The following PNPLA7 variants were observed in gnomAD, a reference collection of about 807,000 sequenced individuals.
PNPLA7 encodes the protein patatin-like phospholipase domain-containing protein 7.
A neutral mutation model predicts 161.7 loss-of-function variants in PNPLA7; 153 were observed. That is an observed-to-expected ratio of 0.95 (90% CI 0.83 to 1.08). The LOEUF (loss-of-function observed/expected upper bound fraction) is 1.08. Ranked by LOEUF, PNPLA7 falls within the 50% of genes least tolerant of loss-of-function variation. The pLI is 0.00. For synonymous variants in PNPLA7, 809 were observed against 782.1 expected, an observed-to-expected ratio of 1.03 and a Z score of -0.57; for missense variants, 1,739 against 1,856.6, an observed-to-expected ratio of 0.94 and a Z score of 1.16.
chr9:137,471,626 A>G (rs1267096339), intron 25 of PNPLA7, among the ~76,000 whole-genome samples: 1 of 151,784 alleles, frequency 6.6e-6, no homozygotes, highest in East Asian at 1.9e-4. Flanking sequence ...TACCATTTAT[A>G]ATACTTTTTT....
intron 33 of PNPLA7, 81 bp from the exon 34 acceptor site, chr9:137,460,818 C>G (rs896664628): frequency 7.5e-7 from 1 of 1,334,478 alleles, no homozygotes; most frequent in African/African-American, 1.5e-5. Context: ...GAGGCAGAAC[C>G]GGCCACAGAT....
intron 18 of PNPLA7, 135 bp downstream of exon 18, chr9:137,497,052 G>T (rs776386105): frequency 2.3e-5 from 27 of 1,166,716 alleles, no homozygotes; most frequent in Non-Finnish European, 2.9e-5. Flanking sequence ...AAGCGGCTGC[G>T]GGGCATCACT....
At chr9:137,487,972 G>C (rs1832574237) in intron 20 of PNPLA7, among the ~76,000 whole-genome samples, 1 of 152,270 alleles carries the variant, frequency 6.6e-6, no homozygotes, top group Admixed American at 6.5e-5. Context: ...CCCAGATGAT[G>C]TGTCTCCGCC....
Position 137,462,312 on chromosome 9 carries a change from ATC to A in PNPLA7, c.3510_3511del (p.Glu1170AspfsTer21), listed in dbSNP as rs760668177. The A allele has an allele frequency of 6.2e-7, 1 of 1,607,258 alleles. No homozygotes were observed. Among genetic ancestry groups the A allele is most frequent in the Non-Finnish European group, 8.5e-7 (1 of 1,176,642 alleles). On this transcript the variant is annotated frameshift_variant, in exon 31 of 35. Coordinates refer to ENST00000406427, the MANE Select transcript of PNPLA7 (RefSeq NM_001098537.3). LOFTEE classifies it high-confidence loss of function. ...ACACACGTAGGCCAGGCGCGTCTGA[ATC>A]TCTGCCATGTTCAACACCTGCTGCC...
At chr9:137,484,207 C>T (rs1022955860) in intron 21 of PNPLA7, among the ~76,000 whole-genome samples, 5 of 152,134 alleles carry the variant, frequency 3.3e-5, no homozygotes, top group African/African-American at 9.7e-5. Context: ...CATGAGCCAC[C>T]GCGCCCGACC....
chr9:137,548,217 G>A lies in PNPLA7; in HGVS notation c.31-558C>T, dbSNP rs556210549. 9.8e-5 allele frequency among the ~76,000 whole-genome samples: 15 copies of A among 152,296 alleles called. No homozygotes were observed. In the East Asian group the frequency reaches 2.9e-3, roughly 29 times the overall value. ...AGGATGGTGAGTGAACGACAGCAGA[G>A]GACGCTGGTGGTTCCAAGAAGTGAA... On this transcript the variant is annotated intron_variant, in intron 1 of 34. Transcript: ENST00000406427.
chr9:137,501,632 C>A lies in PNPLA7; in HGVS notation c.1551+18G>T, dbSNP rs374090949. On this transcript the variant is annotated intron_variant, in intron 15 of 34. Coordinates refer to ENST00000406427, the MANE Select transcript of PNPLA7 (RefSeq NM_001098537.3). The stretch of plus-strand genomic sequence containing the variant: ...GGCATTGGGTGGTCCCAGTGCCCCC[C>A]CCCAGACCCCCGCTCACCTGGTCTC... 34 of 1,609,828 alleles carry A rather than the reference C, an allele frequency of 2.1e-5. No individual in the cohort carries two copies. Among genetic ancestry groups the A allele is most frequent in the Non-Finnish European group, 2.8e-5 (33 of 1,178,676 alleles).
rs1290780586 is a variant in PNPLA7 at position 137,537,848 on chromosome 9, G to A, written c.747+2794C>T. The stretch of plus-strand genomic sequence containing the variant: ...AGATCAGAAAGAACAAAGAAATAAT[G>A]GAGAAAGCCTCTACCCCAGTGAAGC... On this transcript the variant is annotated intron_variant, in intron 8 of 34. Coordinates refer to ENST00000406427, the MANE Select transcript of PNPLA7 (RefSeq NM_001098537.3). The surrounding 1 kb of genome is among the most constrained non-coding windows in gnomAD (Gnocchi z 4.5). 6.6e-6 allele frequency among the ~76,000 whole-genome samples: 1 copy of A among 152,198 alleles called. No homozygotes were observed. The highest frequency in any genetic ancestry group is 2.4e-5 in the African/African-American group (1 of 41,444).
At chr9:137,462,453 G>A (rs1588524891) in intron 30 of PNPLA7, 122 bp from the exon 31 acceptor site, 3 of 1,471,074 alleles carry the variant, frequency 2.0e-6, no homozygotes, top group East Asian at 4.7e-5. Context: ...TGGGGGGAGA[G>A]GGTAGCAGCA....
intron 25 of PNPLA7, among the ~76,000 whole-genome samples, chr9:137,472,684 A>G (rs1426629068): frequency 6.7e-6 from 1 of 149,660 alleles, no homozygotes; most frequent in African/African-American, 2.5e-5. Context: ...AGGCCAGGCA[A>G]AGTGGCTCAT....
At chr9:137,466,953 G>A (rs1448590939) in intron 26 of PNPLA7, among the ~76,000 whole-genome samples, 1 of 144,778 alleles carries the variant, frequency 6.9e-6, no homozygotes, top group African/African-American at 2.6e-5. Flanking sequence ...CTCAGACCCG[G>A]GCACGGATCA....
At chr9:137,534,058 C>T (rs528614774) in intron 8 of PNPLA7, among the ~76,000 whole-genome samples, 4 of 151,608 alleles carry the variant, frequency 2.6e-5, no homozygotes, top group African/African-American at 9.7e-5. Flanking sequence ...CAGACTCCTC[C>T]CCAACAGTGT....
rs764020811 is a variant in PNPLA7, at chr9:137,505,686, G to T, written c.1401C>A (p.Thr467=). Residue 467 remains threonine, a synonymous_variant, in exon 14 of 35, where the codon ACC becomes ACA. Transcript: ENST00000406427. ...TGGCATCCGACTTCCTGCTGGCCAGGGTCTCATCCGTGTGACTCTCTGAGT... is the reference window on the plus strand; with the variant it reads ...TGGCATCCGACTTCCTGCTGGCCAGTGTCTCATCCGTGTGACTCTCTGAGT... ...SQHSESHTDE[T]LASRKSDAIF... is the part of the protein sequence containing the mutation. 1.9e-6 allele frequency: 3 copies of T among 1,613,986 alleles called. No homozygotes were observed. In the African/African-American group the frequency reaches 4.0e-5, roughly 22 times the overall value.
Position 137,467,215 on chromosome 9 carries a change from G to A in PNPLA7, c.3039+102C>T, listed in dbSNP as rs930067478. On this transcript the variant is annotated intron_variant, in intron 26 of 34. Coordinates refer to ENST00000406427, the MANE Select transcript of PNPLA7 (RefSeq NM_001098537.3). This position sits in a 1 kb window ranked among gnomAD's most constrained non-coding sequence, Gnocchi z 5.1. ...AGGGGGTAGCCTCCTCGAGGGCAGGGCCCTGCAGAGCCACATGCAGAGGCC... is the reference window on the plus strand; with the variant it reads ...AGGGGGTAGCCTCCTCGAGGGCAGGACCCTGCAGAGCCACATGCAGAGGCC... 2 of 1,434,888 alleles carry A rather than the reference G, an allele frequency of 1.4e-6. No individual in the cohort carries two copies. Among genetic ancestry groups the A allele is most frequent in the Non-Finnish European group, 1.9e-6 (2 of 1,078,788 alleles). The allele number at this position is 1,434,888 out of a possible 1,614,324, so 88.9% of individuals were successfully genotyped here.
chr9:137,463,299 G>A, intron 29 of PNPLA7, 116 bp downstream of exon 29: 1 of 958,426 alleles, frequency 1.0e-6, no homozygotes, highest in Non-Finnish European at 1.6e-6. Context: ...CATACTCTAA[G>A]GAAAACGTGT....
chr9:137,460,072 G>T lies in PNPLA7; in HGVS notation c.*321C>A. 1 of 314,020 alleles carries T rather than the reference G, an allele frequency of 3.2e-6. No individual in the cohort carries two copies. Among genetic ancestry groups the T allele is most frequent in the South Asian group, 3.1e-5 (1 of 32,326 alleles). 19.5% of individuals were successfully genotyped at this position (314,020 alleles called of 1,614,324 possible). ...TTCACAGGGCTTTGGGGGCCTCACAGGGCAGCAGGTGGTTCACAGGGCTTC... is the reference window on the plus strand; with the variant it reads ...TTCACAGGGCTTTGGGGGCCTCACATGGCAGCAGGTGGTTCACAGGGCTTC... On this transcript the variant is annotated 3_prime_UTR_variant, in exon 35 of 35. Coordinates refer to ENST00000406427, the MANE Select transcript of PNPLA7 (RefSeq NM_001098537.3).
intron 23 of PNPLA7, chr9:137,479,897 C>A: frequency 1.0e-6 from 1 of 985,290 alleles, no homozygotes; most frequent in Admixed American, 6.1e-5. Context: ...GAGGGTAAGG[C>A]ATTCACAAGA....
intron 26 of PNPLA7, chr9:137,464,744 TG>T: frequency 2.3e-6 from 1 of 431,486 alleles, no homozygotes. Context: ...CCCCCATGCC[TG>T]GGGCCTCCTC....
At chr9:137,472,060 C>G (rs1445218465) in intron 25 of PNPLA7, among the ~76,000 whole-genome samples, 1 of 151,692 alleles carries the variant, frequency 6.6e-6, no homozygotes, top group Admixed American at 6.6e-5. Context: ...CAGATGGGCT[C>G]ACACCTGCAG....
Sources: allele counts gnomAD v4.1 joint callset (sites outside exome capture counted in the v4.1 genomes callset), GRCh38; gene constraint gnomAD v4.1.1; non-coding constraint Gnocchi (gnomAD v3.1); transcripts MANE v1.5; gene names NCBI Gene and HGNC (gene_info 2026-07-23, HGNC 2026-07-21).